Variants in L2HGDH observed in about 807,000 individuals in gnomAD.
The protein encoded by L2HGDH is L-2-hydroxyglutarate dehydrogenase, also known as L-2-hydroxyglutarate dehydrogenase, mitochondrial.
L2HGDH carries 34 observed loss-of-function variants against 51.5 expected under a neutral mutation model. The ratio of observed to expected loss-of-function variants is 0.66; its 90% CI spans 0.50 to 0.88. L2HGDH has a LOEUF of 0.88. Ranked by LOEUF, L2HGDH falls within the 40% of genes least tolerant of loss-of-function variation. The probability of loss-of-function intolerance (pLI) is 0.00; values close to 1 mark genes in which losing one functional copy is unlikely to be tolerated. For missense variants in L2HGDH, 558 were observed against 571.9 expected, an observed-to-expected ratio of 0.98 and a Z score of 0.25; for synonymous variants, 198 against 197.9, an observed-to-expected ratio of 1.00 and a Z score of -0.01.
At chr14:50,271,953 C>G (rs929167527) in intron 6 of L2HGDH, among the ~76,000 whole-genome samples, 1 of 152,108 alleles carries the variant, frequency 6.6e-6, no homozygotes, top group Admixed American at 6.6e-5. Context: ...CTAGCCTGGA[C>G]AACATGGTGA....
chr14:50,292,380 C>A (rs146075817), intron 4 of L2HGDH, among the ~76,000 whole-genome samples: 6 of 152,078 alleles, frequency 3.9e-5, no homozygotes, highest in African/African-American at 1.4e-4. Context: ...AAGAAAAAAA[C>A]GGAAGGCCTT....
intron 6 of L2HGDH, among the ~76,000 whole-genome samples, chr14:50,277,571 C>T (rs1163832877): frequency 6.6e-6 from 1 of 151,544 alleles, no homozygotes; most frequent in Non-Finnish European, 1.5e-5. Context: ...GTCAGGAGAT[C>T]GAGACCATCC....
intron 1 of L2HGDH, among the ~76,000 whole-genome samples, chr14:50,307,947 T>C (rs1191182706): frequency 1.3e-5 from 2 of 151,990 alleles, no homozygotes; most frequent in Non-Finnish European, 2.9e-5. Flanking sequence ...AAAAAACTGA[T>C]AAAATGGACT....
intron 3 of L2HGDH, among the ~76,000 whole-genome samples, chr14:50,299,184 C>A (rs2030259096): frequency 6.6e-6 from 1 of 152,084 alleles, no homozygotes; most frequent in Non-Finnish European, 1.5e-5. Flanking sequence ...TTAAAGGCTA[C>A]TATGACCAAC....
chr14:50,299,700 T>A (rs925841254), intron 3 of L2HGDH, among the ~76,000 whole-genome samples: 1 of 152,168 alleles, frequency 6.6e-6, no homozygotes. Context: ...ACACATCATA[T>A]CAACAAGATG....
In L2HGDH at chr14:50,288,533, C is replaced by A. The variant is rs1469595894; in HGVS notation, c.541-4500G>T. ...AAAACCTCTGCCTCCCTGGTTCAAG[C>A]GATTCTCCTGCCTCAGCTTCCTGAG... On this transcript the variant is annotated intron_variant, in intron 4 of 9. Coordinates refer to ENST00000267436, the MANE Select transcript of L2HGDH (RefSeq NM_024884.3). Among the ~76,000 whole-genome samples, 2 of 152,162 alleles carry A rather than the reference C, an allele frequency of 1.3e-5. 1 individual carries two copies. The highest frequency in any genetic ancestry group is 1.3e-4 in the Admixed American group (2 of 15,278).
intron 5 of L2HGDH, among the ~76,000 whole-genome samples, chr14:50,282,830 CAGG>C (rs947893495): frequency 5.3e-5 from 8 of 151,810 alleles, no homozygotes; most frequent in African/African-American, 1.7e-4. Flanking sequence ...CACTTGAGTC[CAGG>C]AGTTCGAGAG....
At chr14:50,291,597 A>G (rs1437225546) in intron 4 of L2HGDH, among the ~76,000 whole-genome samples, 1 of 152,216 alleles carries the variant, frequency 6.6e-6, no homozygotes, top group Non-Finnish European at 1.5e-5. Flanking sequence ...ACTCCTGGAT[A>G]CCAGCAGCGT....
At chr14:50,306,570 GT>G (rs113886089) in intron 1 of L2HGDH, among the ~76,000 whole-genome samples, 14 of 134,588 alleles carry the variant, frequency 1.0e-4, no homozygotes, top group Admixed American at 3.0e-4. Context: ...GCTGCCTTTT[GT>G]TTTTTTTGGG....
chr14:50,310,121 G>C (rs2031001679), intron 1 of L2HGDH, among the ~76,000 whole-genome samples: 1 of 152,092 alleles, frequency 6.6e-6, no homozygotes, highest in Non-Finnish European at 1.5e-5. Flanking sequence ...AATGTCCGTG[G>C]ATTTTGCCAA....
Position 50,267,803 on chromosome 14 carries a change from G to A in L2HGDH, c.1014C>T (p.Tyr338=). The stretch of plus-strand genomic sequence containing the variant: ...CTGTGGCACTGAAGTCAAAGGGTCT[G>A]TAACCCTCTCGTTTAAAGGCAAGAA... ...NAVLAFKREG[Y]RPFDFSATDV... Residue 338 remains tyrosine (Y), a synonymous_variant, in exon 8 of 10, where the codon TAC becomes TAT. Coordinates refer to ENST00000267436, the MANE Select transcript of L2HGDH (RefSeq NM_024884.3). 2 of 1,613,184 alleles carry A rather than the reference G, an allele frequency of 1.2e-6. No homozygotes were observed. The highest frequency in any genetic ancestry group is 1.7e-6 in the Non-Finnish European group (2 of 1,179,084).
chr14:50,302,817 T>C (rs530585604), intron 2 of L2HGDH, 85 bp downstream of exon 2: 18 of 919,562 alleles, frequency 2.0e-5, no homozygotes, highest in Admixed American at 6.8e-5. Flanking sequence ...AAACTAACAC[T>C]GACATTCAGC....
Position 50,242,638 on chromosome 14 carries a change from T to G in L2HGDH, c.*4420A>C. The G allele has an allele frequency of 3.0e-6, 3 of 985,404 alleles. No individual in the cohort carries two copies. Among genetic ancestry groups the G allele is most frequent in the Non-Finnish European group, 3.6e-6 (3 of 829,908 alleles). 61.0% of individuals were successfully genotyped at this position (985,404 alleles called of 1,614,324 possible). ...AAGCTATTTAATGAGTACAAACTAT[T>G]TGAAAACATCTCGAGGCAGCTTTTG... On this transcript the variant is annotated 3_prime_UTR_variant, in exon 10 of 10. Coordinates refer to ENST00000267436, the MANE Select transcript of L2HGDH (RefSeq NM_024884.3).
intron 3 of L2HGDH, 131 bp downstream of exon 3, chr14:50,301,886 A>T: frequency 1.1e-6 from 1 of 890,210 alleles, no homozygotes; most frequent in Non-Finnish European, 1.7e-6. Context: ...TTTTTTAGTT[A>T]TTCCCTAAGA....
Position 50,265,345 on chromosome 14 carries a change from C to T in L2HGDH, c.1196+13G>A, listed in dbSNP as rs1214285627. On this transcript the variant is annotated intron_variant, in intron 9 of 9. Transcript: ENST00000267436. ...TCAGGACTGTATTTACACTCCTTAT[C>T]CCTTTTCCTTACCTAAGTATATCAC... The T allele has an allele frequency of 6.2e-7, 1 of 1,607,246 alleles. No homozygotes were observed. The highest frequency in any genetic ancestry group is 8.5e-7 in the Non-Finnish European group (1 of 1,174,124).
In L2HGDH at chr14:50,247,197, T is replaced by C. The variant is rs1167785495; in HGVS notation, c.1253A>G (p.Asp418Gly). The change falls in exon 10 of 10, where the codon GAT (aspartate) becomes GGT (glycine). Residue 418 changes from aspartate to glycine, a missense_variant. Asp to Gly is a moderately conservative substitution (Grantham distance 94). This residue lies in a region of L2HGDH where 321 missense variants were observed against 311.8 expected (regional missense o/e 1.03). Transcript: ENST00000267436. ...CCCAACTCCTGCATCAAATACAAAA[T>C]CTTCTACCAGATTTCCATCTCTATC... is the stretch of plus-strand genomic sequence containing the variant. ...ALDRDGNLVE[D>G]FVFDAGVGDI... The C allele has an allele frequency of 1.9e-6, 3 of 1,614,176 alleles. No homozygotes were observed. Among genetic ancestry groups the C allele is most frequent in the Non-Finnish European group, 2.5e-6 (3 of 1,180,020 alleles).
intron 9 of L2HGDH, among the ~76,000 whole-genome samples, chr14:50,254,024 G>A (rs913481529): frequency 6.6e-5 from 10 of 152,172 alleles, no homozygotes; most frequent in Admixed American, 4.6e-4. Context: ...CAGAGGCTGC[G>A]AAAGGTAGTG....
At chr14:50,270,741 C>T (rs1369844099) in intron 6 of L2HGDH, among the ~76,000 whole-genome samples, 1 of 152,068 alleles carries the variant, frequency 6.6e-6, no homozygotes, top group African/African-American at 2.4e-5. Context: ...CTCCTGACCT[C>T]GTGATCCACC....
chr14:50,244,359 G>A lies in L2HGDH; in HGVS notation c.*2699C>T. ...TCCAGCACCTGTTGTTTCCTTTTCA[G>A]GGTATTGTACAGACTCAAATGGATT... On this transcript the variant is annotated 3_prime_UTR_variant, in exon 10 of 10. Transcript: ENST00000267436. The A allele has an allele frequency of 1.0e-6, 1 of 983,960 alleles. No individual in the cohort carries two copies. The highest frequency in any genetic ancestry group is 1.2e-6 in the Non-Finnish European group (1 of 828,654). 61.0% of individuals were successfully genotyped at this position (983,960 alleles called of 1,614,324 possible).
Sources: allele counts gnomAD v4.1 joint callset (sites outside exome capture counted in the v4.1 genomes callset), GRCh38; gene constraint gnomAD v4.1.1; regional missense constraint gnomAD v4.1.1; transcripts MANE v1.5; gene names NCBI Gene and HGNC (gene_info 2026-07-23, HGNC 2026-07-21).